The following INSC variants were observed in gnomAD, a reference collection of about 807,000 sequenced individuals.
The protein encoded by INSC is protein inscuteable homolog.
Under a neutral mutation model 58.6 loss-of-function variants are expected in INSC, and 67 were observed. The ratio of observed to expected loss-of-function variants is 1.14; its 90% CI spans 0.94 to 1.40. The LOEUF (loss-of-function observed/expected upper bound fraction) is 1.40. Ranked by LOEUF, INSC falls within the 40% of genes most tolerant of loss-of-function variation. The pLI is 0.00. For synonymous variants in INSC, 262 were observed against 276.1 expected, an observed-to-expected ratio of 0.95 and a Z score of 0.51; for missense variants, 714 against 692.0, an observed-to-expected ratio of 1.03 and a Z score of -0.36.
intron 6 of INSC, among the ~76,000 whole-genome samples, chr11:15,199,806 G>C (rs1431409301): frequency 2.0e-5 from 3 of 152,160 alleles, no homozygotes; most frequent in Non-Finnish European, 4.4e-5. Flanking sequence ...AGCTTTCAGG[G>C]AAGGAAAGAG....
chr11:15,253,244 G>A, the INSC span, among the ~76,000 whole-genome samples: 1 of 152,128 alleles, frequency 6.6e-6, no homozygotes, highest in African/African-American at 2.4e-5. Context: ...GGGGTAAGGA[G>A]GGCTGGGAGC....
In INSC at chr11:15,128,553, G is replaced by C. The variant is rs372260193; in HGVS notation, c.-46+13550G>C. Among the ~76,000 whole-genome samples the C allele has an allele frequency of 3.7e-4, 57 of 152,306 alleles. 2 individuals carry two copies. The East Asian group carries it at 6.4e-3, about 17-fold the overall frequency. On this transcript the variant is annotated intron_variant, in intron 1 of 12. Coordinates refer to ENST00000379556, the MANE Select transcript of INSC (RefSeq NM_001042536.3). ...TGGCAGAGCTGGGGCTAGGCTGAAG[G>C]TTTCTTCTCTGCTAGTCTGTGTTTG...
chr11:15,230,504 C>A (rs189437786), intron 9 of INSC, among the ~76,000 whole-genome samples: 3 of 152,286 alleles, frequency 2.0e-5, no homozygotes, highest in East Asian at 3.9e-4. Flanking sequence ...CCCCATGATC[C>A]AATCACCTCC....
chr11:15,156,341 A>G (rs1848815007), intron 2 of INSC, among the ~76,000 whole-genome samples: 1 of 152,228 alleles, frequency 6.6e-6, no homozygotes, highest in Non-Finnish European at 1.5e-5. Flanking sequence ...TAGCAGAAAG[A>G]GCTCCAGCTT....
chr11:15,268,522 A>G, the INSC span, among the ~76,000 whole-genome samples: 1 of 152,206 alleles, frequency 6.6e-6, no homozygotes, highest in East Asian at 1.9e-4. Flanking sequence ...CTGAAAATCA[A>G]GATGGCAGAA....
chr11:15,163,614 G>A (rs75288255), intron 2 of INSC, among the ~76,000 whole-genome samples: 7,326 of 151,992 alleles, frequency 0.048, 568 homozygotes, highest in African/African-American at 0.17. Context: ...TTTTGAGATG[G>A]AGTCTTGCTC....
At chr11:15,122,175 T>C (rs1206331578) in intron 1 of INSC, among the ~76,000 whole-genome samples, 3 of 152,190 alleles carry the variant, frequency 2.0e-5, no homozygotes, top group South Asian at 4.1e-4. Context: ...CATTGTTACA[T>C]GTTTTTAGAA....
chr11:15,123,365 A>G (rs763856802), intron 1 of INSC, among the ~76,000 whole-genome samples: 13 of 152,320 alleles, frequency 8.5e-5, no homozygotes, highest in Middle Eastern at 3.4e-3. Flanking sequence ...TCGTTACTTT[A>G]TCCTAGCAGG....
chr11:15,265,122 T>C, the INSC span, among the ~76,000 whole-genome samples: 6 of 152,086 alleles, frequency 3.9e-5, no homozygotes, highest in Non-Finnish European at 2.9e-5. Flanking sequence ...AAATGCTTTG[T>C]AGATTAAGAA....
intron 8 of INSC, among the ~76,000 whole-genome samples, chr11:15,223,486 A>C (rs1431194533): frequency 1.3e-5 from 2 of 152,248 alleles, no homozygotes; most frequent in African/African-American, 4.8e-5. Context: ...TAAATGAGTC[A>C]CTGGAATCCT....
the INSC span, among the ~76,000 whole-genome samples, chr11:15,267,735 A>G: frequency 6.6e-6 from 1 of 151,812 alleles, no homozygotes. Flanking sequence ...CCATTTTCAG[A>G]TCTGTTTCTA....
chr11:15,169,644 T>C (rs980077053), intron 2 of INSC, among the ~76,000 whole-genome samples: 4 of 152,020 alleles, frequency 2.6e-5, no homozygotes, highest in Non-Finnish European at 1.5e-5. Context: ...CAGGTTCAAG[T>C]GATTCTCCTG....
At chr11:15,240,013 G>A in intron 11 of INSC, among the ~76,000 whole-genome samples, 1 of 152,102 alleles carries the variant, frequency 6.6e-6, no homozygotes, top group Non-Finnish European at 1.5e-5. Context: ...CGTATAATGA[G>A]GGTGTCTTTT....
chr11:15,192,457 C>T (rs1444757684), intron 6 of INSC, among the ~76,000 whole-genome samples: 1 of 152,222 alleles, frequency 6.6e-6, no homozygotes, highest in Non-Finnish European at 1.5e-5. Flanking sequence ...CAGGCACTGT[C>T]TCAGCACTTA....
chr11:15,133,907 A>G (rs889854869), intron 1 of INSC, among the ~76,000 whole-genome samples: 1 of 152,264 alleles, frequency 6.6e-6, no homozygotes, highest in Admixed American at 6.5e-5. Flanking sequence ...CTGGGCTACC[A>G]TATTGTTGGA....
intron 1 of INSC, among the ~76,000 whole-genome samples, chr11:15,135,298 C>T (rs978593128): frequency 6.6e-6 from 1 of 152,224 alleles, no homozygotes; most frequent in Non-Finnish European, 1.5e-5. Flanking sequence ...CTTGATAAAA[C>T]AGTATTCTGC....
At chr11:15,124,983 C>G (rs1282513055) in intron 1 of INSC, among the ~76,000 whole-genome samples, 1 of 152,112 alleles carries the variant, frequency 6.6e-6, no homozygotes, top group East Asian at 1.9e-4. Context: ...ATATTTCATG[C>G]CCTTAGAGGA....
intron 6 of INSC, among the ~76,000 whole-genome samples, chr11:15,196,932 T>A (rs1389260274): frequency 1.3e-5 from 2 of 152,186 alleles, no homozygotes; most frequent in Non-Finnish European, 2.9e-5. Context: ...TGTTCTGAAC[T>A]GCTTCTCAGC....
intron 2 of INSC, among the ~76,000 whole-genome samples, chr11:15,154,682 T>TTC (rs1326596554): frequency 6.6e-6 from 1 of 152,184 alleles, no homozygotes; most frequent in Non-Finnish European, 1.5e-5. Flanking sequence ...TGGACAATTT[T>TTC]TCTCTCTCTC....
Sources: allele counts gnomAD v4.1 joint callset (sites outside exome capture counted in the v4.1 genomes callset), GRCh38; gene constraint gnomAD v4.1.1; transcripts MANE v1.5; gene names NCBI Gene and HGNC (gene_info 2026-07-23, HGNC 2026-07-21).